Variants in AKAP6 observed in about 807,000 individuals in gnomAD.
AKAP6 encodes the protein A-kinase anchor protein 6.
Under a neutral mutation model 188.5 loss-of-function variants are expected in AKAP6, and 58 were observed. The ratio of observed to expected loss-of-function variants is 0.31; its 90% CI spans 0.25 to 0.38. The LOEUF is 0.38. Ranked by LOEUF, AKAP6 falls within the 10% of genes least tolerant of loss-of-function variation. The pLI is 1.00. For synonymous variants in AKAP6, 989 were observed against 998.6 expected (o/e 0.99, Z 0.18); for missense variants, 2,710 against 2,740.0 (o/e 0.99, Z 0.24).
At chr14:32,379,386 A>G (rs900556985) in intron 1 of AKAP6, among the ~76,000 whole-genome samples, 1 of 152,066 alleles carries the variant, frequency 6.6e-6, no homozygotes, top group Non-Finnish European at 1.5e-5. Flanking sequence ...CTCTGTTTCT[A>G]TTCTGCTGTC....
At chr14:32,667,186 G>C (rs910965179) in intron 7 of AKAP6, among the ~76,000 whole-genome samples, 1 of 152,068 alleles carries the variant, frequency 6.6e-6, no homozygotes, top group African/African-American at 2.4e-5. Context: ...CTAAAATGGA[G>C]TGTTTAACTT....
intron 2 of AKAP6, among the ~76,000 whole-genome samples, chr14:32,530,118 G>A (rs1044266632): frequency 2.0e-5 from 3 of 151,838 alleles, no homozygotes; most frequent in South Asian, 2.1e-4. Context: ...CCTACACCTC[G>A]TGGGCTGAAG....
chr14:32,523,555 G>A (rs1426406194), intron 2 of AKAP6, among the ~76,000 whole-genome samples: 2 of 149,698 alleles, frequency 1.3e-5, no homozygotes, highest in Non-Finnish European at 3.0e-5. Flanking sequence ...TGCAACATCC[G>A]CCTCCCAGGG....
At chr14:32,637,416 T>C (rs74839727) in intron 7 of AKAP6, among the ~76,000 whole-genome samples, 3,826 of 152,198 alleles carry the variant, frequency 0.025, 72 homozygotes, top group Middle Eastern at 0.044. Context: ...ATAGAAAAGA[T>C]AGATGACTCT....
chr14:32,498,765 G>A (rs890138726), intron 2 of AKAP6, among the ~76,000 whole-genome samples: 1 of 152,036 alleles, frequency 6.6e-6, no homozygotes, highest in African/African-American at 2.4e-5. Context: ...GTAAGTGGGC[G>A]GGAGGGTGTA....
At position 32,658,031 on chromosome 14, in the gene AKAP6, C is replaced by T. The variant is rs532349243; in HGVS notation, c.2731-20280C>T. Among the ~76,000 whole-genome samples the T allele has an allele frequency of 2.1e-4, 32 of 152,006 alleles. No individual in the cohort carries two copies. The South Asian group carries it at 6.2e-3, about 30-fold the overall frequency. ...GGATCTTAAACATAAAACAAGGCAA[C>T]GTAGATTGTTTTAAAAATGAAGTTT... On this transcript the variant is annotated intron_variant, in intron 7 of 13. Transcript: ENST00000280979.
intron 2 of AKAP6, among the ~76,000 whole-genome samples, chr14:32,449,622 G>A (rs1890872408): frequency 6.6e-6 from 1 of 152,074 alleles, no homozygotes; most frequent in African/African-American, 2.4e-5. Flanking sequence ...AGAGGGAAGG[G>A]AAATGCTTCA....
intron 12 of AKAP6, among the ~76,000 whole-genome samples, chr14:32,798,998 G>T (rs1188531642): frequency 3.3e-5 from 5 of 152,132 alleles, no homozygotes; most frequent in Admixed American, 3.3e-4. Context: ...GCTATTATTA[G>T]TTTAGTTATG....
rs563133723 is a variant in AKAP6 at position 32,453,018 on chromosome 14, A to G, written c.324+19201A>G. On this transcript the variant is annotated intron_variant, in intron 2 of 13. Transcript: ENST00000280979. ...CTGAATCCTCTGTGATCTTAGTTTA[A>G]CACTCAAAATAAGGAATGGTGGTAA... 3.2e-4 allele frequency among the ~76,000 whole-genome samples: 49 copies of G among 152,318 alleles called. 1 individual carries two copies. The South Asian group carries it at 0.01, about 32-fold the overall frequency.
chr14:32,641,299 A>G (rs1245210709), intron 7 of AKAP6, among the ~76,000 whole-genome samples: 2 of 151,948 alleles, frequency 1.3e-5, no homozygotes, highest in Admixed American at 6.6e-5. Flanking sequence ...ATAATATACA[A>G]TACAAGAAAG....
At chr14:32,669,601 G>A (rs1430782006) in intron 7 of AKAP6, among the ~76,000 whole-genome samples, 3 of 152,148 alleles carry the variant, frequency 2.0e-5, no homozygotes, top group African/African-American at 7.2e-5. Context: ...AAACAAAAGA[G>A]TAGATATTTC....
chr14:32,613,934 T>G (rs554238661), intron 7 of AKAP6, among the ~76,000 whole-genome samples: 1 of 152,298 alleles, frequency 6.6e-6, no homozygotes, highest in South Asian at 2.1e-4. Context: ...CAAAATGTAT[T>G]TTTCAAAATT....
chr14:32,546,851 T>C lies in AKAP6; in HGVS notation c.2198T>C (p.Met733Thr), dbSNP rs1440138977. The C allele has an allele frequency of 6.2e-7, 1 of 1,614,048 alleles. No homozygotes were observed. Among genetic ancestry groups the C allele is most frequent in the Non-Finnish European group, 8.5e-7 (1 of 1,179,994 alleles). ...GAGTCCAGTATGCCTCTCGCTGGCA[T>C]GAAAAAGTATGCTGATGAGAAGTCA... ...DEESSMPLAGMKKYADEKSER... is the reference protein window; with the variant it reads ...DEESSMPLAGTKKYADEKSER... The change falls in exon 4 of 14, where the codon ATG becomes ACG. Residue 733 changes from methionine to threonine, a missense_variant. By Grantham distance (81) the Met-to-Thr change is moderately conservative. Coordinates refer to ENST00000280979, the MANE Select transcript of AKAP6 (RefSeq NM_004274.5).
chr14:32,659,905 A>G (rs1333107126), intron 7 of AKAP6, among the ~76,000 whole-genome samples: 1 of 152,112 alleles, frequency 6.6e-6, no homozygotes, highest in Admixed American at 6.6e-5. Flanking sequence ...ATAACAAACA[A>G]ACATAAGATT....
chr14:32,663,498 G>A (rs1412027243), intron 7 of AKAP6, among the ~76,000 whole-genome samples: 1 of 151,952 alleles, frequency 6.6e-6, no homozygotes, highest in Non-Finnish European at 1.5e-5. Flanking sequence ...GGTGAAGAGA[G>A]ATATGTTTTA....
chr14:32,597,090 A>C (rs1382478286), intron 5 of AKAP6, among the ~76,000 whole-genome samples: 1 of 152,184 alleles, frequency 6.6e-6, no homozygotes. Flanking sequence ...TGAATACCTC[A>C]TCTTTTCCAA....
chr14:32,796,633 A>C (rs1303677711), intron 12 of AKAP6, among the ~76,000 whole-genome samples: 1 of 152,226 alleles, frequency 6.6e-6, no homozygotes, highest in African/African-American at 2.4e-5. Flanking sequence ...AGGTTAACTC[A>C]ACCGATGGAT....
At chr14:32,453,452 T>TTATCTAGAAG (rs1891002336) in intron 2 of AKAP6, among the ~76,000 whole-genome samples, 1 of 152,306 alleles carries the variant, frequency 6.6e-6, no homozygotes, top group East Asian at 1.9e-4. Context: ...TAACTATTAG[T>TTATCTAGAAG]TATCTAGAAG....
chr14:32,466,845 A>G (rs61353267), intron 2 of AKAP6, among the ~76,000 whole-genome samples: 4 of 144,222 alleles, frequency 2.8e-5, no homozygotes, highest in Non-Finnish European at 4.5e-5. Flanking sequence ...ATATATATAT[A>G]TTTTCTTTCT....
Sources: allele counts gnomAD v4.1 joint callset (sites outside exome capture counted in the v4.1 genomes callset), GRCh38; gene constraint gnomAD v4.1.1; transcripts MANE v1.5; gene names NCBI Gene and HGNC (gene_info 2026-07-23, HGNC 2026-07-21).